C11orf97: variants seen among roughly 807,000 people sequenced by gnomAD.
C11orf97 encodes uncharacterized protein C11orf97.
Under a neutral mutation model 16.2 loss-of-function variants are expected in C11orf97, and 15 were observed. The ratio of observed to expected loss-of-function variants is 0.93; its 90% confidence interval spans 0.62 to 1.43. The LOEUF is 1.43. Among genes scored for constraint, C11orf97 ranks in the 40% most tolerant of loss-of-function variants. The pLI is 0.00. For synonymous variants in C11orf97, 61 were observed against 65.7 expected, an observed-to-expected ratio of 0.93 and a Z score of 0.34; for missense variants, 171 against 161.2, an observed-to-expected ratio of 1.06 and a Z score of -0.33.
chr11:94,526,820 T>C (rs1947704845), intron 2 of C11orf97, among the ~76,000 whole-genome samples: 1 of 152,130 alleles, frequency 6.6e-6, no homozygotes. Context: ...TTGAAGGTCT[T>C]TGAAGAAGAG....
rs1275761740 is a variant in C11orf97 at position 94,515,295 on chromosome 11, G to GA, written c.146-2280dup. ...AGATGCAATTGTTATTAGCTCTCAGGAAAAAAAACAAAAAACAACAAAAAA... is the reference window on the plus strand; with the variant it reads ...AGATGCAATTGTTATTAGCTCTCAGGAAAAAAAAACAAAAAACAACAAAAAA... On this transcript the variant is annotated intron_variant, in intron 1 of 3. Coordinates refer to ENST00000542198, the MANE Select transcript of C11orf97 (RefSeq NM_001190462.2). 2.7e-5 allele frequency among the ~76,000 whole-genome samples: 4 copies of GA among 149,642 alleles called. No homozygotes were observed. The East Asian group carries it at 5.8e-4, about 22-fold the overall frequency.
chr11:94,524,586 G>A (rs1451163274), intron 2 of C11orf97, among the ~76,000 whole-genome samples: 223 of 115,378 alleles, frequency 1.9e-3, no homozygotes, highest in East Asian at 3.1e-3. Flanking sequence ...ACCTCATCCT[G>A]AAAAAAAAAA....
At chr11:94,521,297 G>GT (rs1230437395) in intron 2 of C11orf97, among the ~76,000 whole-genome samples, 1 of 152,218 alleles carries the variant, frequency 6.6e-6, no homozygotes, top group Non-Finnish European at 1.5e-5. Flanking sequence ...ATGTGATGGT[G>GT]TGAAAGTGAT....
chr11:94,520,456 C>T (rs1292921699), intron 2 of C11orf97, among the ~76,000 whole-genome samples: 2 of 152,216 alleles, frequency 1.3e-5, no homozygotes, highest in Non-Finnish European at 2.9e-5. Flanking sequence ...ATATCTAGCC[C>T]TATTGGGCTA....
At chr11:94,522,468 T>C (rs918394261) in intron 2 of C11orf97, among the ~76,000 whole-genome samples, 1 of 151,532 alleles carries the variant, frequency 6.6e-6, no homozygotes, top group Non-Finnish European at 1.5e-5. Flanking sequence ...ACCCGGGAGG[T>C]GGAGCTTGCA....
At chr11:94,521,836 C>A (rs779065611) in intron 2 of C11orf97, among the ~76,000 whole-genome samples, 3 of 152,168 alleles carry the variant, frequency 2.0e-5, no homozygotes, top group Non-Finnish European at 4.4e-5. Flanking sequence ...TTTCTACTCA[C>A]TATGGTGTCT....
chr11:94,514,527 G>A (rs556729765), intron 1 of C11orf97, among the ~76,000 whole-genome samples: 12 of 152,218 alleles, frequency 7.9e-5, no homozygotes, highest in African/African-American at 2.9e-4. Flanking sequence ...TCTCAAACAC[G>A]AAGTGTGGTT....
At chr11:94,518,471 G>A (rs904387319) in intron 2 of C11orf97, among the ~76,000 whole-genome samples, 3 of 152,152 alleles carry the variant, frequency 2.0e-5, no homozygotes, top group Non-Finnish European at 4.4e-5. Context: ...TGCTGGTCCA[G>A]TACCCGACTT....
At chr11:94,525,846 A>G (rs1947696856) in intron 2 of C11orf97, among the ~76,000 whole-genome samples, 1 of 152,238 alleles carries the variant, frequency 6.6e-6, no homozygotes, top group Admixed American at 6.5e-5. Context: ...TACCTTCCCT[A>G]TAAGACCAGG....
chr11:94,523,390 G>C (rs35661972), intron 2 of C11orf97, among the ~76,000 whole-genome samples: 4,434 of 152,278 alleles, frequency 0.029, 148 homozygotes, highest in African/African-American at 0.079. Flanking sequence ...CACATACTCT[G>C]ACAACAAAGT....
intron 3 of C11orf97, among the ~76,000 whole-genome samples, chr11:94,531,570 A>G (rs1346752545): frequency 6.7e-6 from 1 of 148,706 alleles, no homozygotes; most frequent in Non-Finnish European, 1.5e-5. Context: ...TCTGGTGCTA[A>G]GCTTGAATGT....
In C11orf97 at chr11:94,528,068, TA is replaced by T; in HGVS notation, c.251-10del. On this transcript the variant is annotated splice_polypyrimidine_tract_variant and intron_variant, in intron 2 of 3. Transcript: ENST00000542198. The stretch of plus-strand genomic sequence containing the variant: ...TACGCTAATAATTATTTTCTTGCCT[TA>T]AAAAATATTGACAGTGGCCCTGGAA... The T allele has an allele frequency of 6.6e-7, 1 of 1,515,374 alleles. No individual in the cohort carries two copies. The highest frequency in any genetic ancestry group is 2.5e-5 in the East Asian group (1 of 40,678). 93.9% of individuals were successfully genotyped at this position (1,515,374 alleles called of 1,614,324 possible). A position where few individuals can be genotyped will look rare whatever the true frequency, so the allele number is the denominator to read the frequency against.
At chr11:94,531,210 C>T (rs1480461590) in intron 3 of C11orf97, among the ~76,000 whole-genome samples, 4 of 152,086 alleles carry the variant, frequency 2.6e-5, no homozygotes, top group African/African-American at 9.7e-5. Context: ...GAGGCCAAGG[C>T]GGGCAGATCA....
At chr11:94,513,197 A>G (rs927293680) in intron 1 of C11orf97, among the ~76,000 whole-genome samples, 1 of 152,168 alleles carries the variant, frequency 6.6e-6, no homozygotes, top group East Asian at 1.9e-4. Flanking sequence ...GTCTACAATT[A>G]CCCAATCCTT....
At chr11:94,527,084 G>A (rs588774) in intron 2 of C11orf97, among the ~76,000 whole-genome samples, 43,354 of 151,988 alleles carry the variant, frequency 0.29, 6,553 homozygotes, top group Non-Finnish European at 0.33. Flanking sequence ...TCCCTATTTC[G>A]AAAATGAGGA....
chr11:94,528,217 C>G lies in C11orf97; in HGVS notation c.376+8C>G, dbSNP rs1456819214. 6.5e-7 allele frequency: 1 copy of G among 1,529,056 alleles called. No individual in the cohort carries two copies. The highest frequency in any genetic ancestry group is 8.7e-7 in the Non-Finnish European group (1 of 1,144,516). 94.7% of individuals were successfully genotyped at this position (1,529,056 alleles called of 1,614,324 possible). On this transcript the variant is annotated splice_region_variant and intron_variant, in intron 3 of 3. Transcript: ENST00000542198. ...GGCACGGAGGACTCAGAAGTAAGAC[C>G]CTGATGCCCTTGACTTCCACTGAAG...
intron 2 of C11orf97, among the ~76,000 whole-genome samples, chr11:94,522,398 G>C (rs374876010): frequency 6.6e-6 from 1 of 152,106 alleles, no homozygotes; most frequent in Non-Finnish European, 1.5e-5. Flanking sequence ...TTAGCCGGGC[G>C]TGGTGGCGGG....
chr11:94,522,917 CA>C (rs1249526330), intron 2 of C11orf97, among the ~76,000 whole-genome samples: 1 of 152,158 alleles, frequency 6.6e-6, no homozygotes, highest in East Asian at 1.9e-4. Flanking sequence ...TTGACACCAT[CA>C]AGGCACCATT....
At position 94,523,557 on chromosome 11, in the gene C11orf97, G is replaced by A. The variant is rs554932120; in HGVS notation, c.251-4527G>A. 1.1e-3 allele frequency among the ~76,000 whole-genome samples: 175 copies of A among 152,288 alleles called. 1 individual carries two copies. Among genetic ancestry groups the A allele is most frequent in the African/African-American group, 3.6e-3 (151 of 41,556 alleles). On this transcript the variant is annotated intron_variant, in intron 2 of 3. Transcript: ENST00000542198. ...AAGTAAACAACTTAAATTATAGCAC[G>A]TTTTATTTTTGAATGAGTTGACAGT... is the stretch of plus-strand genomic sequence containing the variant.
Sources: allele counts gnomAD v4.1 joint callset (sites outside exome capture counted in the v4.1 genomes callset), GRCh38; gene constraint gnomAD v4.1.1; transcripts MANE v1.5; gene names NCBI Gene and HGNC (gene_info 2026-07-23, HGNC 2026-07-21).